The following AUNIP variants were observed in gnomAD, a reference collection of about 807,000 sequenced individuals.
AUNIP encodes aurora kinase A and ninein interacting protein, also known as aurora kinase A- and ninein-interacting protein.
Under a neutral mutation model 12.2 loss-of-function variants are expected in AUNIP, and 16 were observed. The observed-to-expected ratio is 1.31, with a 90% confidence interval of 0.88 to 1.99. The LOEUF is 1.99. Among genes scored for constraint, AUNIP ranks in the 30% most tolerant of loss-of-function variants. The pLI, the probability that AUNIP is intolerant of heterozygous loss-of-function variation, is 0.00. For synonymous variants in AUNIP, 142 were observed against 154.8 expected (o/e 0.92, Z 0.61); for missense variants, 411 against 419.1 (o/e 0.98, Z 0.17).
At position 25,858,496 on chromosome 1, in the gene AUNIP, G is replaced by A. The variant is rs145050813; in HGVS notation, c.78+784C>T. Among the ~76,000 whole-genome samples the A allele has an allele frequency of 9.0e-4, 137 of 152,276 alleles. 1 individual carries two copies. Among genetic ancestry groups the A allele is most frequent in the African/African-American group, 3.2e-3 (132 of 41,552 alleles). ...ACCATATAGAATTGTACCAAACAAG[G>A]TAACATACCTAAAACACTTAGCACC... On this transcript the variant is annotated intron_variant, in intron 1 of 2. Transcript: ENST00000374298.
At chr1:25,842,988 C>T (rs564521771) in intron 1 of AUNIP, among the ~76,000 whole-genome samples, 1 of 152,006 alleles carries the variant, frequency 6.6e-6, no homozygotes, top group East Asian at 1.9e-4. Context: ...TGAGACCAGC[C>T]TGGGCAACAT....
intron 1 of AUNIP, among the ~76,000 whole-genome samples, chr1:25,843,245 G>A (rs2048358636): frequency 6.7e-6 from 1 of 150,030 alleles, no homozygotes; most frequent in Non-Finnish European, 1.5e-5. Context: ...TCAAGAGCTT[G>A]ATGGAGATGT....
In AUNIP at chr1:25,859,405, C is replaced by G; in HGVS notation, c.-48G>C. 2.0e-6 allele frequency: 3 copies of G among 1,463,478 alleles called. No individual in the cohort carries two copies. Among genetic ancestry groups the G allele is most frequent in the Non-Finnish European group, 2.7e-6 (3 of 1,113,980 alleles). 90.7% of individuals were successfully genotyped at this position (1,463,478 alleles called of 1,614,324 possible). ...GCAGGACGCCGGCGCAGGCTCCCGG[C>G]GCCTCAGGGAACGCCAGAACCGCGG... On this transcript the variant is annotated 5_prime_UTR_variant, in exon 1 of 3. Coordinates refer to ENST00000374298, the MANE Select transcript of AUNIP (RefSeq NM_024037.3).
Position 25,843,172 on chromosome 1 carries a change from CA to C in AUNIP, c.79-5619del, listed in dbSNP as rs1216108790. On this transcript the variant is annotated intron_variant, in intron 1 of 2. Transcript: ENST00000374298. ...AGCCAGGGTGACAGAGACCCCATCT[CA>C]AAAAAAAAAAAAATATATATATATA... Among the ~76,000 whole-genome samples the C allele has an allele frequency of 4.6e-3, 625 of 134,852 alleles. 3 individuals are homozygous for C. The highest frequency in any genetic ancestry group is 0.012 in the African/African-American group (437 of 35,056). 88.5% of individuals were successfully genotyped at this position (134,852 alleles called of 152,430 possible).
At chr1:25,841,187 T>C (rs1345141487) in intron 1 of AUNIP, among the ~76,000 whole-genome samples, 2 of 152,206 alleles carry the variant, frequency 1.3e-5, no homozygotes, top group Admixed American at 6.5e-5. Context: ...AGGATCTACC[T>C]CTATCTCAGT....
chr1:25,834,952 C>G lies in AUNIP; in HGVS notation c.*41G>C. 1.3e-6 allele frequency: 2 copies of G among 1,568,648 alleles called. No individual in the cohort carries two copies. The highest frequency in any genetic ancestry group is 1.4e-5 in the African/African-American group (1 of 73,220). ...CCCACAACTATATTTTCCTACATCT[C>G]TATCATTTCAAGGTACTTTTAGAAA... On this transcript the variant is annotated 3_prime_UTR_variant, in exon 3 of 3. Coordinates refer to ENST00000374298, the MANE Select transcript of AUNIP (RefSeq NM_024037.3).
intron 1 of AUNIP, among the ~76,000 whole-genome samples, 189 bp downstream of exon 1, chr1:25,859,091 T>G (rs1368555640): frequency 1.3e-5 from 2 of 151,428 alleles, no homozygotes; most frequent in African/African-American, 2.4e-5. Flanking sequence ...GTCCCTCCCA[T>G]CCTCCCCAAG....
chr1:25,842,612 G>A (rs373802813), intron 1 of AUNIP, among the ~76,000 whole-genome samples: 2 of 152,358 alleles, frequency 1.3e-5, no homozygotes, highest in East Asian at 3.9e-4. Context: ...TCGGACTTCC[G>A]TAGCTACAGA....
intron 1 of AUNIP, among the ~76,000 whole-genome samples, chr1:25,858,511 C>T (rs1021150294): frequency 6.6e-6 from 1 of 152,198 alleles, no homozygotes; most frequent in African/African-American, 2.4e-5. Flanking sequence ...ATACCTAAAA[C>T]ACTTAGCACC....
At chr1:25,853,954 G>A (rs1040793513) in intron 1 of AUNIP, among the ~76,000 whole-genome samples, 4 of 152,126 alleles carry the variant, frequency 2.6e-5, no homozygotes, top group Admixed American at 2.0e-4. Context: ...AGTGGCTCAC[G>A]CCTGTAATCC....
intron 1 of AUNIP, among the ~76,000 whole-genome samples, chr1:25,840,197 A>C (rs558318772): frequency 6.6e-6 from 1 of 152,354 alleles, no homozygotes; most frequent in African/African-American, 2.4e-5. Flanking sequence ...GAAGGAAAAT[A>C]TGAACATAAT....
intron 1 of AUNIP, among the ~76,000 whole-genome samples, chr1:25,848,969 C>T (rs1420712067): frequency 6.6e-6 from 1 of 152,226 alleles, no homozygotes; most frequent in East Asian, 1.9e-4. Flanking sequence ...CTGCAATAAA[C>T]TGTAACCATA....
Position 25,847,320 on chromosome 1 carries a change from A to G in AUNIP, c.79-9766T>C, listed in dbSNP as rs966951253. Among the ~76,000 whole-genome samples, 6 of 151,844 alleles carry G rather than the reference A, an allele frequency of 4.0e-5. No individual in the cohort carries two copies. The highest frequency in any genetic ancestry group is 5.9e-5 in the Non-Finnish European group (4 of 68,000). ...TCTGTCACCGAGGCTGGACTGCAGT[A>G]GCGCGATATTGGCTCACCACAACCT... On this transcript the variant is annotated intron_variant, in intron 1 of 2. Coordinates refer to ENST00000374298, the MANE Select transcript of AUNIP (RefSeq NM_024037.3). This position sits in a 1 kb window ranked among gnomAD's most constrained non-coding sequence, Gnocchi z 4.2.
intron 1 of AUNIP, among the ~76,000 whole-genome samples, chr1:25,852,447 G>A (rs933151005): frequency 6.9e-6 from 1 of 144,632 alleles, no homozygotes; most frequent in African/African-American, 2.6e-5. Context: ...GATTATTTAA[G>A]GTTTTTTTTT....
chr1:25,835,156 G>A lies in AUNIP; in HGVS notation c.911C>T (p.Ala304Val). ...GTTATTGGTTACATCTTGAAAAGGA[G>A]CTCTAGTGTTGTGGGCAATGACCCG... is the stretch of plus-strand genomic sequence containing the variant. ...GQRVIAHNTR[A>V]PFQDVTNNWN... is the part of the protein sequence containing the mutation. Residue 304 changes from alanine (A) to valine (V), a missense_variant, in exon 3 of 3, where the codon GCT (alanine) becomes GTT (valine). Physicochemically the swap from Ala to Val is moderately conservative, Grantham distance 64. Transcript: ENST00000374298. 2 of 1,614,216 alleles carry A rather than the reference G, an allele frequency of 1.2e-6. No homozygotes were observed. The highest frequency in any genetic ancestry group is 1.7e-6 in the Non-Finnish European group (2 of 1,180,034).
chr1:25,837,313 C>G, intron 2 of AUNIP, 100 bp downstream of exon 2: 1 of 1,378,964 alleles, frequency 7.3e-7, no homozygotes, highest in East Asian at 2.3e-5. Flanking sequence ...TAACACAATG[C>G]ACTGGTTTCA....
intron 1 of AUNIP, among the ~76,000 whole-genome samples, chr1:25,841,302 T>G (rs2048345933): frequency 6.6e-6 from 1 of 152,226 alleles, no homozygotes; most frequent in African/African-American, 2.4e-5. Flanking sequence ...GGCGGCTGTT[T>G]GTATTTTATA....
chr1:25,846,891 T>C (rs2048386951), intron 1 of AUNIP, among the ~76,000 whole-genome samples: 1 of 152,256 alleles, frequency 6.6e-6, no homozygotes, highest in South Asian at 2.1e-4. Context: ...TGGCTGCATA[T>C]GGCTCTCTCG....
chr1:25,845,894 C>T lies in AUNIP; in HGVS notation c.79-8340G>A, dbSNP rs141452826. Reference sequence around the variant, plus strand: ...GATGTCACAGATAAGGTCCAGAACACAGATGGGATGGAAGCGTACACCCAC... The same window carrying T: ...GATGTCACAGATAAGGTCCAGAACATAGATGGGATGGAAGCGTACACCCAC... On this transcript the variant is annotated intron_variant, in intron 1 of 2. Coordinates refer to ENST00000374298, the MANE Select transcript of AUNIP (RefSeq NM_024037.3). Among the ~76,000 whole-genome samples, 34 of 152,278 alleles carry T rather than the reference C, an allele frequency of 2.2e-4. No individual in the cohort carries two copies. In the East Asian group the frequency reaches 6.0e-3, roughly 27 times the overall value.
Sources: allele counts gnomAD v4.1 joint callset (sites outside exome capture counted in the v4.1 genomes callset), GRCh38; gene constraint gnomAD v4.1.1; non-coding constraint Gnocchi (gnomAD v3.1); transcripts MANE v1.5; gene names NCBI Gene and HGNC (gene_info 2026-07-23, HGNC 2026-07-21).